The following NRP1 variants were observed in gnomAD, a reference collection of about 807,000 sequenced individuals.
NRP1 encodes neuropilin-1.
A neutral mutation model predicts 106.7 loss-of-function variants in NRP1; 35 were observed. The observed-to-expected ratio is 0.33, with a 90% CI of 0.25 to 0.43. The LOEUF (loss-of-function observed/expected upper bound fraction) is 0.43, where lower values mean the gene tolerates loss of function less well. NRP1 is among the 20% of genes least tolerant of loss of function. The pLI, the probability that NRP1 is intolerant of heterozygous loss-of-function variation, is 1.00. For synonymous variants in NRP1, 437 were observed against 417.9 expected (o/e 1.05, Z -0.56); for missense variants, 1,024 against 1,170.4 (o/e 0.87, Z 1.83).
At chr10:33,202,275 T>G in intron 11 of NRP1, 2 of 162,274 alleles carry the variant, frequency 1.2e-5, no homozygotes, top group Non-Finnish European at 1.3e-5. Context: ...GCTTTTAGGG[T>G]TTTAGGAGAT....
Position 33,186,279 on chromosome 10 carries a change from GTCCAATGGCCA to G in NRP1, c.2261_2271del (p.Met754ThrfsTer4). On this transcript the variant is annotated frameshift_variant, in exon 14 of 17. Coordinates refer to ENST00000374867, the MANE Select transcript of NRP1 (RefSeq NM_003873.7). LOFTEE classifies it high-confidence loss of function. Reference sequence around the variant, plus strand: ...CCTTCCTTCCAGTGGTCACCTTGGTGTCCAATGGCCATCCAGACCAGCTGATCGTACTCCTC... The same window carrying G: ...CCTTCCTTCCAGTGGTCACCTTGGTGTCCAGACCAGCTGATCGTACTCCTC... 1 of 1,614,062 alleles carries G rather than the reference GTCCAATGGCCA, an allele frequency of 6.2e-7. No individual in the cohort carries two copies.
chr10:33,289,405 C>A (rs1216788864), intron 2 of NRP1, among the ~76,000 whole-genome samples: 6 of 152,060 alleles, frequency 3.9e-5, no homozygotes, highest in South Asian at 4.1e-4. Flanking sequence ...TCCCTAGGTG[C>A]TTATATCAAT....
chr10:33,316,091 G>A (rs960696773), intron 2 of NRP1, among the ~76,000 whole-genome samples: 2 of 152,196 alleles, frequency 1.3e-5, no homozygotes, highest in African/African-American at 4.8e-5. Flanking sequence ...CACAGACCGA[G>A]GCAGGGAGGA....
intron 11 of NRP1, 92 bp downstream of exon 11, chr10:33,202,799 C>A (rs375051418): frequency 1.2e-6 from 2 of 1,609,682 alleles, no homozygotes; most frequent in Admixed American, 1.7e-5. Flanking sequence ...CTCTGCCATG[C>A]GGAGTTACAA....
chr10:33,249,293 T>C (rs1841669871), intron 6 of NRP1: 1 of 326,838 alleles, frequency 3.1e-6, no homozygotes, highest in African/African-American at 2.2e-5. Context: ...TCAGGATCTT[T>C]GAGAACGTCT....
chr10:33,277,540 G>A (rs767177279), intron 2 of NRP1, among the ~76,000 whole-genome samples: 30 of 152,222 alleles, frequency 2.0e-4, no homozygotes, highest in Non-Finnish European at 4.0e-4. Context: ...AGCTTCCGAG[G>A]AGCTATGGGG....
At chr10:33,205,012 A>T (rs976494108) in intron 10 of NRP1, among the ~76,000 whole-genome samples, 10 of 152,294 alleles carry the variant, frequency 6.6e-5, no homozygotes, top group Non-Finnish European at 1.2e-4. Context: ...GATTACAGGC[A>T]TGAGCCACCA....
At chr10:33,252,506 T>C (rs192568282) in intron 6 of NRP1, among the ~76,000 whole-genome samples, 1 of 152,166 alleles carries the variant, frequency 6.6e-6, no homozygotes, top group African/African-American at 2.4e-5. Flanking sequence ...TGCCTGCCCA[T>C]CTGTATGCTC....
At chr10:33,325,653 G>A (rs1382496282) in intron 2 of NRP1, among the ~76,000 whole-genome samples, 1 of 152,094 alleles carries the variant, frequency 6.6e-6, no homozygotes, top group East Asian at 1.9e-4. Context: ...AATAATTTAG[G>A]TAATTTAAAA....
In NRP1 at chr10:33,302,583, G is replaced by T. The variant is rs577952270; in HGVS notation, c.248+28125C>A. 1.1e-4 allele frequency among the ~76,000 whole-genome samples: 16 copies of T among 152,342 alleles called. No homozygotes were observed. In the East Asian group the frequency reaches 3.1e-3, roughly 29 times the overall value. On this transcript the variant is annotated intron_variant, in intron 2 of 16. Coordinates refer to ENST00000374867, the MANE Select transcript of NRP1 (RefSeq NM_003873.7). ...GCAGAGGTGACAGGCAATTTGCCAG[G>T]ACTCCATGAAGTTGCAGGAGAAGTA...
At chr10:33,268,253 CAG>C (rs1353883222) in intron 3 of NRP1, among the ~76,000 whole-genome samples, 1 of 152,108 alleles carries the variant, frequency 6.6e-6, no homozygotes, top group Non-Finnish European at 1.5e-5. Flanking sequence ...AGTGGGGTGA[CAG>C]AGACCCAGTG....
At chr10:33,263,547 G>A (rs1483965247) in intron 4 of NRP1, 99 bp downstream of exon 4, 1 of 832,992 alleles carries the variant, frequency 1.2e-6, no homozygotes, top group South Asian at 1.7e-5. Context: ...TCCTTTTGAG[G>A]TTTTTTTTAA....
intron 1 of NRP1, among the ~76,000 whole-genome samples, chr10:33,331,293 C>G (rs1158345787): frequency 2.0e-5 from 3 of 152,184 alleles, no homozygotes; most frequent in Non-Finnish European, 4.4e-5. Context: ...AGATGCTGTT[C>G]GACCCCTTGT....
intron 11 of NRP1, chr10:33,201,017 C>T (rs549362018): frequency 3.9e-5 from 6 of 152,186 alleles, no homozygotes; most frequent in African/African-American, 1.4e-4. Context: ...GGGAATAACT[C>T]TTTTTTTCAC....
chr10:33,182,445 A>C (rs1272457433), intron 16 of NRP1, among the ~76,000 whole-genome samples: 1 of 152,078 alleles, frequency 6.6e-6, no homozygotes, highest in African/African-American at 2.4e-5. Context: ...CAGGGTGAGC[A>C]CACTTCCCAG....
intron 2 of NRP1, among the ~76,000 whole-genome samples, chr10:33,302,403 C>T (rs1396696587): frequency 6.6e-6 from 1 of 152,192 alleles, no homozygotes; most frequent in Non-Finnish European, 1.5e-5. Context: ...TTTCAAAGCC[C>T]CAGAAGTCTG....
In NRP1 at chr10:33,243,822, A is replaced by T. The variant is rs183483760; in HGVS notation, c.981+10206T>A. Among the ~76,000 whole-genome samples, 403 of 152,140 alleles carry T rather than the reference A, an allele frequency of 2.6e-3. 2 individuals carry two copies. The highest frequency in any genetic ancestry group is 9.4e-3 in the African/African-American group (388 of 41,414). On this transcript the variant is annotated intron_variant, in intron 6 of 16. Coordinates refer to ENST00000374867, the MANE Select transcript of NRP1 (RefSeq NM_003873.7). ...ACTATTGGGATTTATAGAGCATTTT[A>T]AAATTTAATCTACTTTCCTCTCTTT...
intron 6 of NRP1, among the ~76,000 whole-genome samples, chr10:33,238,594 A>G (rs988275450): frequency 1.3e-5 from 2 of 152,352 alleles, no homozygotes; most frequent in East Asian, 1.9e-4. Flanking sequence ...AAATGAATCA[A>G]TGCATTCTGG....
chr10:33,217,444 C>T (rs1838870489), intron 8 of NRP1, among the ~76,000 whole-genome samples: 1 of 151,690 alleles, frequency 6.6e-6, no homozygotes, highest in East Asian at 1.9e-4. Flanking sequence ...TCACTTTTAA[C>T]AATAATTTGC....
Sources: allele counts gnomAD v4.1 joint callset (sites outside exome capture counted in the v4.1 genomes callset), GRCh38; gene constraint gnomAD v4.1.1; transcripts MANE v1.5; gene names NCBI Gene and HGNC (gene_info 2026-07-23, HGNC 2026-07-21).